LMTK3: variants seen among roughly 807,000 people sequenced by gnomAD.
LMTK3 encodes the protein lemur tail kinase 3, also known as serine/threonine-protein kinase LMTK3.
Under a neutral mutation model 116.7 loss-of-function variants are expected in LMTK3, and 27 were observed. The ratio of observed to expected loss-of-function variants is 0.23; its 90% CI spans 0.17 to 0.32. LMTK3 has a LOEUF of 0.32. Ranked by LOEUF, LMTK3 falls within the 10% of genes least tolerant of loss-of-function variation. LMTK3 has a pLI of 1.00. For missense variants in LMTK3, 1,764 were observed against 2,068.5 expected (o/e 0.85, Z 2.86); for synonymous variants, 965 against 971.0 (o/e 0.99, Z 0.11).
rs1156240447 is a variant in LMTK3, at chr19:48,486,085, A to T, written c.4367-296T>A. On this transcript the variant is annotated intron_variant, in intron 14 of 14. Transcript: ENST00000600059. Reference sequence around the variant, plus strand: ...TTTTTTTTTTTTTTTTTTGAGACGGAGTCTCGCTCTGTCGCCCAGGCTGGA... The same window carrying T: ...TTTTTTTTTTTTTTTTTTGAGACGGTGTCTCGCTCTGTCGCCCAGGCTGGA... Among the ~76,000 whole-genome samples, 9 of 89,022 alleles carry T rather than the reference A, an allele frequency of 1.0e-4. No individual in the cohort carries two copies. In the East Asian group the frequency reaches 2.8e-3, roughly 28 times the overall value. 58.4% of individuals were successfully genotyped at this position (89,022 alleles called of 152,430 possible). A position where few individuals can be genotyped will look rare whatever the true frequency, so the allele number is the denominator to read the frequency against.
In LMTK3 at chr19:48,510,447, C is replaced by T. The variant is rs779137498; in HGVS notation, c.210+12G>A. 4 of 1,591,186 alleles carry T rather than the reference C, an allele frequency of 2.5e-6. No individual in the cohort carries two copies. The highest frequency in any genetic ancestry group is 3.4e-6 in the Non-Finnish European group (4 of 1,168,760). On this transcript the variant is annotated intron_variant, in intron 2 of 14. Transcript: ENST00000600059. ...TCTTCCTCCCCAAGTTGAATCCCCT[C>T]ATGCACCTCACCTTGAAGCCGACAT...
At position 48,491,503 on chromosome 19, in the gene LMTK3, G is replaced by C; in HGVS notation, c.4129C>G (p.Pro1377Ala). 7.1e-7 allele frequency: 1 copy of C among 1,408,494 alleles called. No homozygotes were observed. The highest frequency in any genetic ancestry group is 9.3e-7 in the Non-Finnish European group (1 of 1,077,798). The allele number at this position is 1,408,494 out of a possible 1,614,324, so 87.2% of individuals were successfully genotyped here. ...PTNELSVQAP[P>A]EGDTDPSTPP... is the part of the protein sequence containing the mutation. Reference sequence around the variant, plus strand: ...GTTGACGGGTCCGTGTCCCCCTCGGGGGGGGCCTGGACGCTCAGCTCGTTG... The same window carrying C: ...GTTGACGGGTCCGTGTCCCCCTCGGCGGGGGCCTGGACGCTCAGCTCGTTG... Residue 1377 changes from proline to alanine, a missense_variant, in exon 13 of 15, where the codon CCC (proline) becomes GCC (alanine). Pro to Ala is a conservative substitution (Grantham distance 27). This residue lies in a region of LMTK3 where 281 missense variants were observed against 301.4 expected (regional missense o/e 0.93). Transcript: ENST00000600059. The surrounding 1 kb of genome is among the most constrained non-coding windows in gnomAD (Gnocchi z 5.1).
chr19:48,510,689 C>CGTGATGCT, intron 1 of LMTK3, 97 bp from the exon 2 acceptor site: 1 of 1,345,986 alleles, frequency 7.4e-7, no homozygotes, highest in Non-Finnish European at 9.9e-7. Context: ...CTACAACTCC[C>CGTGATGCT]GTGATGCTCT....
At position 48,499,476 on chromosome 19, in the gene LMTK3, G is replaced by A. The variant is rs1380375591; in HGVS notation, c.1593C>T (p.Ser531=). 1 of 1,473,652 alleles carries A rather than the reference G, an allele frequency of 6.8e-7. No homozygotes were observed. Among genetic ancestry groups the A allele is most frequent in the Non-Finnish European group, 9.0e-7 (1 of 1,112,288 alleles). The allele number at this position is 1,473,652 out of a possible 1,614,324, so 91.3% of individuals were successfully genotyped here. The change falls in exon 11 of 15, where the codon AGC becomes AGT. Residue 531 remains serine (S), a synonymous_variant. Transcript: ENST00000600059. The part of the protein sequence containing the change: ...PSVLPVISAR[S]PSVSSEYYIR... ...TGTAGTACTCGCTGCTCACGGAGGGGCTGCGGGCGCTGATGACAGGCAGCA... is the reference window on the plus strand; with the variant it reads ...TGTAGTACTCGCTGCTCACGGAGGGACTGCGGGCGCTGATGACAGGCAGCA...
chr19:48,502,516 A>G lies in LMTK3; in HGVS notation c.711T>C (p.Pro237=). The change falls in exon 7 of 15, where the codon CCT becomes CCC. Residue 237 remains proline, a synonymous_variant. Transcript: ENST00000600059. ...TCCTCTGCAGCGTCCGCAGGTCTCG[A>G]GGGGGTAGCTCAGGGGACAGGCCCT... ...PPEGLSPELP[P]RDLRTLQRMG... 2 of 1,607,682 alleles carry G rather than the reference A, an allele frequency of 1.2e-6. No homozygotes were observed. Among genetic ancestry groups the G allele is most frequent in the South Asian group, 1.1e-5 (1 of 90,668 alleles).
In LMTK3 at chr19:48,499,398, C is replaced by A; in HGVS notation, c.1671G>T (p.Trp557Cys). The A allele has an allele frequency of 6.9e-7, 1 of 1,448,550 alleles. No individual in the cohort carries two copies. The highest frequency in any genetic ancestry group is 9.1e-7 in the Non-Finnish European group (1 of 1,099,722). The allele number at this position is 1,448,550 out of a possible 1,614,324, so 89.7% of individuals were successfully genotyped here. The change falls in exon 11 of 15, where the codon TGG becomes TGT. Residue 557 changes from tryptophan (W) to cysteine (C), a missense_variant. Physicochemically the swap from Trp to Cys is radical, Grantham distance 215. Transcript: ENST00000600059. ...CGGGCACTCCTGGGTCCAGGGGGTC[C>A]CAGTCGTTGGGGAAGAGGGGCTCAG... ...SPPEPLFPND[W>C]DPLDPGVPAP...
rs2147550158 is a variant in LMTK3, at chr19:48,501,483, A to G, written c.874T>C (p.Tyr292His). 1 of 1,612,600 alleles carries G rather than the reference A, an allele frequency of 6.2e-7. No homozygotes were observed. The highest frequency in any genetic ancestry group is 8.5e-7 in the Non-Finnish European group (1 of 1,179,306). Residue 292 changes from tyrosine to histidine, a missense_variant, in exon 8 of 15, where the codon TAC (tyrosine) becomes CAC (histidine). Physicochemically the swap from Tyr to His is moderately conservative, Grantham distance 83. Coordinates refer to ENST00000600059, the MANE Select transcript of LMTK3 (RefSeq NM_001388485.1). ...IGDYGLAHSN[Y>H]KEDYYLTPER... The stretch of plus-strand genomic sequence containing the variant: ...CCGACGGAAGGAAGCCCTACCTTGT[A>G]GTTGCTGTGGGCCAGCCCGTAGTCT...
chr19:48,488,249 ACATT>A (rs1455662669), intron 14 of LMTK3, among the ~76,000 whole-genome samples: 2 of 152,068 alleles, frequency 1.3e-5, no homozygotes, highest in African/African-American at 4.8e-5. Flanking sequence ...GGAGAAAGTG[ACATT>A]CAGAGTGAAG....
chr19:48,495,292 G>A (rs186463839), intron 11 of LMTK3, among the ~76,000 whole-genome samples: 2 of 152,276 alleles, frequency 1.3e-5, no homozygotes, highest in East Asian at 3.9e-4. Context: ...TTACAGGTGT[G>A]AGCCACCGCA....
chr19:48,511,288 C>T (rs1469095858), intron 1 of LMTK3, among the ~76,000 whole-genome samples: 1 of 152,222 alleles, frequency 6.6e-6, no homozygotes, highest in African/African-American at 2.4e-5. Context: ...ACACATGTTG[C>T]CCAAACGGAG....
upstream of LMTK3, among the ~76,000 whole-genome samples, chr19:48,512,683 G>A (rs1448169152): frequency 2.6e-5 from 4 of 151,572 alleles, no homozygotes; most frequent in African/African-American, 4.9e-5. Context: ...GCATGTATAC[G>A]GACACGTAAC....
In LMTK3 at chr19:48,497,305, C is replaced by G; in HGVS notation, c.3676+88G>C. The stretch of plus-strand genomic sequence containing the variant: ...GGACCTGCATTCATCACTGCCAGCC[C>G]GACCCGACATGTTTACCCACACTCA... On this transcript the variant is annotated intron_variant, in intron 11 of 14. Transcript: ENST00000600059. This position sits in a 1 kb window ranked among gnomAD's most constrained non-coding sequence, Gnocchi z 5.7. 7.4e-7 allele frequency: 1 copy of G among 1,342,382 alleles called. No homozygotes were observed. Among genetic ancestry groups the G allele is most frequent in the Non-Finnish European group, 9.7e-7 (1 of 1,033,814 alleles). 83.2% of individuals were successfully genotyped at this position (1,342,382 alleles called of 1,614,324 possible).
At position 48,498,529 on chromosome 19, in the gene LMTK3, G is replaced by T; in HGVS notation, c.2540C>A (p.Pro847His). The T allele has an allele frequency of 6.4e-7, 1 of 1,573,088 alleles. No individual in the cohort carries two copies. The highest frequency in any genetic ancestry group is 8.6e-7 in the Non-Finnish European group (1 of 1,159,186). Residue 847 changes from proline to histidine, a missense_variant, in exon 11 of 15, where the codon CCC becomes CAC. By Grantham distance (77) the Pro-to-His change is moderately conservative. Coordinates refer to ENST00000600059, the MANE Select transcript of LMTK3 (RefSeq NM_001388485.1). ...PDPGPLPLPG[P>H]REKPTFVVQV... ...AACCACGAAGGTCGGCTTCTCCCGG[G>T]GCCCCGGGAGTGGGAGCGGACCCGG...
In LMTK3 at chr19:48,498,315, G is replaced by T; in HGVS notation, c.2754C>A (p.Ser918Arg). Residue 918 changes from serine (S) to arginine (R), a missense_variant, in exon 11 of 15, where the codon AGC (serine) becomes AGA (arginine). Around this residue, in one of 7 missense-constraint regions of LMTK3, gnomAD observed 1,028 missense variants for 1,050.6 expected, o/e 0.98. Coordinates refer to ENST00000600059, the MANE Select transcript of LMTK3 (RefSeq NM_001388485.1). ...TVLGNGKQAP[S>R]LSLPVNGVTV... Reference sequence around the variant, plus strand: ...TCACCCCGTTCACTGGGAGGCTCAGGCTTGGGGCTTGTTTCCCGTTGCCCA... The same window carrying T: ...TCACCCCGTTCACTGGGAGGCTCAGTCTTGGGGCTTGTTTCCCGTTGCCCA... 6.2e-7 allele frequency: 1 copy of T among 1,613,314 alleles called. No individual in the cohort carries two copies.
At position 48,501,535 on chromosome 19, in the gene LMTK3, C is replaced by T. The variant is rs1972466856; in HGVS notation, c.822G>A (p.Leu274=). 1.9e-6 allele frequency: 3 copies of T among 1,611,588 alleles called. No homozygotes were observed. The highest frequency in any genetic ancestry group is 1.7e-5 in the Admixed American group (1 of 59,672). Residue 274 remains leucine (L), a synonymous_variant, in exon 8 of 15, where the codon CTG becomes CTA. Coordinates refer to ENST00000600059, the MANE Select transcript of LMTK3 (RefSeq NM_001388485.1). ...CGATGCGCACGGTCAGGTCAGAGGT[C>T]AGCAGGCAGTTGCGCAGGGCCAGGT... ...HSDLALRNCL[L]TSDLTVRIGD...
At chr19:48,509,363 C>G (rs1341474825) in intron 4 of LMTK3, 74 bp downstream of exon 4, 12 of 1,355,928 alleles carry the variant, frequency 8.9e-6, no homozygotes, top group Non-Finnish European at 1.2e-5. Flanking sequence ...GTGGTGAGAG[C>G]AGGGGTGTGG....
In LMTK3 at chr19:48,485,613, C is replaced by T; in HGVS notation, c.*160G>A. The T allele has an allele frequency of 1.3e-6, 1 of 756,500 alleles. No individual in the cohort carries two copies. The highest frequency in any genetic ancestry group is 2.1e-6 in the Non-Finnish European group (1 of 470,372). 46.9% of individuals were successfully genotyped at this position (756,500 alleles called of 1,614,324 possible). On this transcript the variant is annotated 3_prime_UTR_variant, in exon 15 of 15. Coordinates refer to ENST00000600059, the MANE Select transcript of LMTK3 (RefSeq NM_001388485.1). ...GCTGGGGGGCGGGGGCCCGGGGCCT[C>T]CCGTTTGGCACATGGTAGGGGAGTG...
intron 5 of LMTK3, among the ~76,000 whole-genome samples, chr19:48,503,531 C>A (rs909872346): frequency 6.6e-6 from 1 of 152,036 alleles, no homozygotes; most frequent in Non-Finnish European, 1.5e-5. Context: ...CATTCCTGCC[C>A]CAGACTCTTC....
At position 48,494,519 on chromosome 19, in the gene LMTK3, C is replaced by T. The variant is rs1176776048; in HGVS notation, c.3677-410G>A. 3.3e-5 allele frequency among the ~76,000 whole-genome samples: 5 copies of T among 152,090 alleles called. No individual in the cohort carries two copies. The highest frequency in any genetic ancestry group is 1.2e-4 in the African/African-American group (5 of 41,414). On this transcript the variant is annotated intron_variant, in intron 11 of 14. Coordinates refer to ENST00000600059, the MANE Select transcript of LMTK3 (RefSeq NM_001388485.1). This position sits in a 1 kb window ranked among gnomAD's most constrained non-coding sequence, Gnocchi z 4.0. The stretch of plus-strand genomic sequence containing the variant: ...TAATTTTTTGTATTTTTAGTAGAGA[C>T]GGGGTTTCACCATGCTGGCCAGGCT...
Sources: gnomAD v4.1 joint callset for allele counts (sites outside exome capture counted in the v4.1 genomes callset) on GRCh38, gnomAD v4.1.1 for gene constraint, gnomAD v4.1.1 regional missense constraint, Gnocchi (gnomAD v3.1) non-coding constraint, MANE v1.5 for transcripts, NCBI Gene and HGNC (gene_info 2026-07-23, HGNC 2026-07-21) for gene names.